PTPRG: variants seen among roughly 807,000 people sequenced by gnomAD.
PTPRG encodes receptor-type tyrosine-protein phosphatase gamma.
Under a neutral mutation model 165.3 loss-of-function variants are expected in PTPRG, and 102 were observed. That is an observed-to-expected ratio of 0.62 (90% CI 0.53 to 0.73). The LOEUF is 0.73. PTPRG is among the 30% of genes least tolerant of loss of function. The probability of loss-of-function intolerance (pLI) is 0.00; values close to 1 mark genes in which losing one functional copy is unlikely to be tolerated. For synonymous variants in PTPRG, 675 were observed against 669.5 expected (o/e 1.01, Z -0.13); for missense variants, 1,866 against 1,861.4 (o/e 1.00, Z -0.05).
intron 4 of PTPRG, among the ~76,000 whole-genome samples, chr3:62,066,358 T>C (rs1454207459): frequency 2.6e-5 from 4 of 152,242 alleles, no homozygotes; most frequent in African/African-American, 9.6e-5. Context: ...CTTTTATTTG[T>C]GGCTGAGTGT....
At chr3:62,150,626 C>T (rs570441940) in intron 6 of PTPRG, among the ~76,000 whole-genome samples, 19 of 152,214 alleles carry the variant, frequency 1.2e-4, no homozygotes, top group Non-Finnish European at 2.2e-4. Flanking sequence ...CTAGCCCTGC[C>T]CCAGTGATCT....
intron 7 of PTPRG, among the ~76,000 whole-genome samples, chr3:62,163,147 C>T (rs1044278215): frequency 6.6e-6 from 1 of 152,080 alleles, no homozygotes; most frequent in Non-Finnish European, 1.5e-5. Context: ...AATTCCGTCC[C>T]CATGATCCAA....
At position 62,293,418 on chromosome 3, in the gene PTPRG, C is replaced by T; in HGVS notation, c.*111C>T. 1.1e-6 allele frequency: 1 copy of T among 949,852 alleles called. No individual in the cohort carries two copies. Among genetic ancestry groups the T allele is most frequent in the East Asian group, 2.8e-5 (1 of 35,328 alleles). 58.8% of individuals were successfully genotyped at this position (949,852 alleles called of 1,614,324 possible). ...ACAATAACCCAGTTACTTTTTTACA[C>T]TGATAAAAGTTTTGATATTTATTTT... On this transcript the variant is annotated 3_prime_UTR_variant, in exon 30 of 30. Coordinates refer to ENST00000474889, the MANE Select transcript of PTPRG (RefSeq NM_002841.4).
chr3:61,904,591 C>A (rs1387186599), intron 2 of PTPRG, among the ~76,000 whole-genome samples: 1 of 152,154 alleles, frequency 6.6e-6, no homozygotes, highest in Non-Finnish European at 1.5e-5. Context: ...TGGCTCATAT[C>A]TACCTAGTTT....
chr3:61,684,884 C>T lies in PTPRG; in HGVS notation c.86-63994C>T, dbSNP rs73099116. ...ACCAATATGGGGTGGTGAAGATGAT[C>T]GTGATATCTGTCACCAGAGACACCT... On this transcript the variant is annotated intron_variant, in intron 1 of 29. Transcript: ENST00000474889. Among the ~76,000 whole-genome samples, 583 of 152,150 alleles carry T rather than the reference C, an allele frequency of 3.8e-3. 2 individuals are homozygous for T. Among genetic ancestry groups the T allele is most frequent in the South Asian group, 0.011 (53 of 4,796 alleles).
chr3:61,718,948 A>G (rs2031935207), intron 1 of PTPRG, among the ~76,000 whole-genome samples: 1 of 149,244 alleles, frequency 6.7e-6, no homozygotes, highest in South Asian at 2.1e-4. Flanking sequence ...TTGAATTTGT[A>G]CCTCTTATAG....
rs1399137792 is a variant in PTPRG at position 61,989,737 on chromosome 3, A to C, written c.303A>C (p.Glu101Asp). 1 of 1,614,156 alleles carries C rather than the reference A, an allele frequency of 6.2e-7. No individual in the cohort carries two copies. The highest frequency in any genetic ancestry group is 8.5e-7 in the Non-Finnish European group (1 of 1,180,004). Reference sequence around the variant, plus strand: ...CGCGTGTTGGGGAAGAATACCAGGAACTGCAACTCGATGGCTTCGACAATG... The same window carrying C: ...CGCGTGTTGGGGAAGAATACCAGGACCTGCAACTCGATGGCTTCGACAATG... ...QYARVGEEYQ[E>D]LQLDGFDNES... Residue 101 changes from glutamate (E) to aspartate (D), a missense_variant, in exon 3 of 30, where the codon GAA becomes GAC. Physicochemically the swap from Glu to Asp is conservative, Grantham distance 45. Transcript: ENST00000474889.
intron 2 of PTPRG, among the ~76,000 whole-genome samples, chr3:61,868,101 A>G (rs1053315300): frequency 6.6e-5 from 10 of 152,176 alleles, no homozygotes; most frequent in African/African-American, 2.2e-4. Flanking sequence ...CCTTAAACAC[A>G]TGAAGAAGTG....
At chr3:61,675,321 AT>A (rs767602946) in intron 1 of PTPRG, among the ~76,000 whole-genome samples, 2 of 152,162 alleles carry the variant, frequency 1.3e-5, no homozygotes, top group African/African-American at 2.4e-5. Flanking sequence ...GAAAAATAAG[AT>A]TTAGCAGTAA....
At chr3:62,232,374 T>C (rs1282272374) in intron 14 of PTPRG, among the ~76,000 whole-genome samples, 1 of 152,238 alleles carries the variant, frequency 6.6e-6, no homozygotes, top group African/African-American at 2.4e-5. Flanking sequence ...TTTTTGCTTA[T>C]TAATGTCTTT....
At chr3:61,995,681 CGCCTTCCT>C (rs1361039147) in intron 3 of PTPRG, among the ~76,000 whole-genome samples, 1,801 of 90,572 alleles carry the variant, frequency 0.02, 36 homozygotes, top group Non-Finnish European at 0.031. Flanking sequence ...CCTGCCCGCC[CGCCTTCCT>C]TCCTTCCTTC....
chr3:61,839,018 C>G (rs686518), intron 2 of PTPRG, among the ~76,000 whole-genome samples: 60,519 of 151,990 alleles, frequency 0.4, 13,000 homozygotes, highest in East Asian at 0.67. Context: ...ATTCAATAAG[C>G]ATTGAGAGGA....
chr3:61,801,485 G>A (rs1362565912), intron 2 of PTPRG, among the ~76,000 whole-genome samples: 2 of 151,916 alleles, frequency 1.3e-5, no homozygotes, highest in East Asian at 1.9e-4. Context: ...ACATAGAAGA[G>A]GGGTGGAGGG....
intron 1 of PTPRG, among the ~76,000 whole-genome samples, chr3:61,741,237 T>G (rs550006461): frequency 6.6e-6 from 1 of 152,230 alleles, no homozygotes; most frequent in South Asian, 2.1e-4. Flanking sequence ...AAAATAGATA[T>G]AAACAACCTA....
intron 2 of PTPRG, among the ~76,000 whole-genome samples, chr3:61,882,066 A>G (rs1290393682): frequency 6.6e-6 from 1 of 152,222 alleles, no homozygotes; most frequent in Non-Finnish European, 1.5e-5. Context: ...GTTACATGCC[A>G]TTACAACTGA....
intron 2 of PTPRG, among the ~76,000 whole-genome samples, chr3:61,890,529 A>T (rs1336543100): frequency 6.6e-6 from 1 of 151,814 alleles, no homozygotes; most frequent in African/African-American, 2.4e-5. Flanking sequence ...TGGCAACAAC[A>T]AAAGAACAAA....
intron 1 of PTPRG, among the ~76,000 whole-genome samples, chr3:61,579,645 T>C (rs556934850): frequency 6.6e-6 from 1 of 152,376 alleles, no homozygotes. Flanking sequence ...CCAGTGCTCT[T>C]CTTTCTAACA....
chr3:62,052,756 C>T (rs537879788), intron 4 of PTPRG, among the ~76,000 whole-genome samples: 81 of 152,104 alleles, frequency 5.3e-4, no homozygotes, highest in African/African-American at 1.5e-3. Flanking sequence ...CATTCTGGTA[C>T]ATTTGGTTAG....
In PTPRG at chr3:62,209,447, C is replaced by T. The variant is rs369486013; in HGVS notation, c.2155+5497C>T. Among the ~76,000 whole-genome samples the T allele has an allele frequency of 2.0e-5, 3 of 152,202 alleles. 1 individual carries two copies. Among genetic ancestry groups the T allele is most frequent in the African/African-American group, 7.2e-5 (3 of 41,530 alleles). ...AGTAATTTAAAGACAAAAATAAGTACCAGTACAGGTTCATGCAGATCGGGC... is the reference window on the plus strand; with the variant it reads ...AGTAATTTAAAGACAAAAATAAGTATCAGTACAGGTTCATGCAGATCGGGC... On this transcript the variant is annotated intron_variant, in intron 12 of 29. Transcript: ENST00000474889.
Sources: allele counts gnomAD v4.1 joint callset (sites outside exome capture counted in the v4.1 genomes callset), GRCh38; gene constraint gnomAD v4.1.1; transcripts MANE v1.5; gene names NCBI Gene and HGNC (gene_info 2026-07-23, HGNC 2026-07-21).